SYNRG: variants seen among roughly 807,000 people sequenced by gnomAD.
SYNRG encodes AP1 gamma subunit binding protein 1.
SYNRG carries 37 observed loss-of-function variants against 130.9 expected under a neutral mutation model. The observed-to-expected ratio is 0.28, with a 90% CI of 0.22 to 0.37. The LOEUF (loss-of-function observed/expected upper bound fraction) is 0.37. Among genes scored for constraint, SYNRG ranks in the 10% least tolerant of loss-of-function variants. The probability of loss-of-function intolerance (pLI) is 1.00; values close to 1 mark genes in which losing one functional copy is unlikely to be tolerated. For missense variants in SYNRG, 1,338 were observed against 1,588.9 expected (o/e 0.84, Z 2.68); for synonymous variants, 539 against 568.1 (o/e 0.95, Z 0.73).
intron 3 of SYNRG, among the ~76,000 whole-genome samples, chr17:37,593,087 TATAATAATCA>T (rs1157892680): frequency 2.6e-5 from 4 of 152,110 alleles, no homozygotes; most frequent in Non-Finnish European, 5.9e-5. Flanking sequence ...AGGGAGAGAT[TATAATAATCA>T]ATAATAATAT....
chr17:37,547,664 T>C (rs975766191), intron 14 of SYNRG, among the ~76,000 whole-genome samples: 9 of 152,148 alleles, frequency 5.9e-5, no homozygotes, highest in East Asian at 1.9e-4. Flanking sequence ...GGTTTCACCA[T>C]GTTGGCCAGG....
At chr17:37,528,692 T>C (rs146100817) in intron 19 of SYNRG, among the ~76,000 whole-genome samples, 101 of 152,350 alleles carry the variant, frequency 6.6e-4, no homozygotes, top group African/African-American at 2.2e-3. Flanking sequence ...TTGAACTACA[T>C]AGATGTTGGT....
chr17:37,525,689 C>T (rs573041910), intron 19 of SYNRG, among the ~76,000 whole-genome samples: 7 of 152,014 alleles, frequency 4.6e-5, no homozygotes, highest in Admixed American at 2.6e-4. Context: ...AAAAAAATGC[C>T]GGGAGCGGTG....
chr17:37,590,066 G>T (rs2062025635), intron 3 of SYNRG, among the ~76,000 whole-genome samples: 1 of 151,718 alleles, frequency 6.6e-6, no homozygotes, highest in South Asian at 2.1e-4. Context: ...AGCTTCTCTG[G>T]AGGCTAAGGC....
At chr17:37,540,251 G>T in intron 16 of SYNRG, 129 bp downstream of exon 16, 1 of 1,152,694 alleles carries the variant, frequency 8.7e-7, no homozygotes, top group East Asian at 2.4e-5. Context: ...TAATTACATA[G>T]TTTATGTCTG....
intron 19 of SYNRG, among the ~76,000 whole-genome samples, chr17:37,521,173 C>CA (rs886431777): frequency 5.9e-5 from 9 of 151,966 alleles, no homozygotes; most frequent in Admixed American, 2.6e-4. Context: ...GCTGGGATTA[C>CA]AGGCGCGCCA....
chr17:37,527,765 G>A (rs571856987), intron 19 of SYNRG, among the ~76,000 whole-genome samples: 4 of 152,166 alleles, frequency 2.6e-5, no homozygotes, highest in African/African-American at 9.6e-5. Context: ...GAACTCGAAC[G>A]TCTGCAGATT....
chr17:37,534,581 T>C (rs371710817), intron 19 of SYNRG, among the ~76,000 whole-genome samples: 103 of 152,220 alleles, frequency 6.8e-4, no homozygotes, highest in African/African-American at 2.4e-3. Flanking sequence ...CATAATTTTA[T>C]CTCTTTTTTC....
chr17:37,576,553 T>C, intron 7 of SYNRG, 135 bp from the exon 8 acceptor site: 1 of 686,222 alleles, frequency 1.5e-6, no homozygotes, highest in Non-Finnish European at 2.3e-6. Flanking sequence ...AAATACTTGG[T>C]CCCCCCTGCC....
At chr17:37,530,099 T>C (rs1309530667) in intron 19 of SYNRG, among the ~76,000 whole-genome samples, 3 of 152,168 alleles carry the variant, frequency 2.0e-5, no homozygotes, top group Non-Finnish European at 2.9e-5. Flanking sequence ...CTCATTAACC[T>C]TGATGCCAAA....
At position 37,553,129 on chromosome 17, in the gene SYNRG, T is replaced by C; in HGVS notation, c.2594A>G (p.His865Arg). The change falls in exon 14 of 22, where the codon CAT becomes CGT. Residue 865 changes from histidine to arginine, a missense_variant. By Grantham distance (29) the His-to-Arg change is conservative (BLOSUM62 0). This residue lies in a region of SYNRG where 1,146 missense variants were observed against 1,342.3 expected (regional missense o/e 0.85). Transcript: ENST00000612223. ...CAATTCCTCACCTGCAGCAGGAGGA[T>C]GCTGGCCACTAACTGTTGGTAAATC... ...SLDLPTVSGQ[H>R]PPAADIEDLK... 2 of 1,612,672 alleles carry C rather than the reference T, an allele frequency of 1.2e-6. No homozygotes were observed. The highest frequency in any genetic ancestry group is 8.5e-7 in the Non-Finnish European group (1 of 1,179,624).
chr17:37,525,966 A>AAC (rs1555713153), intron 19 of SYNRG, among the ~76,000 whole-genome samples: 4 of 152,270 alleles, frequency 2.6e-5, no homozygotes, highest in African/African-American at 9.6e-5. Context: ...ACTCCGTCTC[A>AAC]AAAACAAAAC....
chr17:37,523,141 G>C (rs2055356048), intron 19 of SYNRG, among the ~76,000 whole-genome samples: 1 of 152,086 alleles, frequency 6.6e-6, no homozygotes, highest in Non-Finnish European at 1.5e-5. Context: ...ATATGTAACT[G>C]CAAGTTTATA....
chr17:37,562,433 GCTCC>G (rs1264780776), intron 11 of SYNRG, among the ~76,000 whole-genome samples: 1 of 152,008 alleles, frequency 6.6e-6, no homozygotes, highest in African/African-American at 2.4e-5. Flanking sequence ...GACCCAGGCA[GCTCC>G]CTGGAAGAAC....
At chr17:37,580,082 C>T (rs1211139274) in intron 6 of SYNRG, among the ~76,000 whole-genome samples, 4 of 152,048 alleles carry the variant, frequency 2.6e-5, no homozygotes, top group Non-Finnish European at 5.9e-5. Flanking sequence ...AACCAATATA[C>T]ATCAGATATA....
chr17:37,538,060 T>C (rs542690042), intron 18 of SYNRG, among the ~76,000 whole-genome samples: 1 of 152,348 alleles, frequency 6.6e-6, no homozygotes, highest in East Asian at 1.9e-4. Context: ...GTAGTTCAGA[T>C]TCTTTGATAA....
chr17:37,527,936 C>A (rs1249569636), intron 19 of SYNRG, among the ~76,000 whole-genome samples: 1 of 152,186 alleles, frequency 6.6e-6, no homozygotes, highest in Non-Finnish European at 1.5e-5. Context: ...TACTGTGATG[C>A]CGCACTACAT....
rs371934357 is a variant in SYNRG at position 37,585,437 on chromosome 17, G to A, written c.372-7C>T. 53 of 1,601,292 alleles carry A rather than the reference G, an allele frequency of 3.3e-5. No homozygotes were observed. The Middle Eastern group carries it at 6.6e-4, about 20-fold the overall frequency. ...CTGCTGTTCAAATCGTTTCCTGAAG[G>A]AAAAATGATCTAATAAAGAACCAGC... is the stretch of plus-strand genomic sequence containing the variant. On this transcript the variant is annotated splice_polypyrimidine_tract_variant and splice_region_variant and intron_variant, in intron 4 of 21. Coordinates refer to ENST00000612223, the MANE Select transcript of SYNRG (RefSeq NM_007247.6).
intron 19 of SYNRG, among the ~76,000 whole-genome samples, chr17:37,532,403 C>G (rs774767754): frequency 3.3e-5 from 5 of 152,160 alleles, no homozygotes; most frequent in Non-Finnish European, 7.3e-5. Context: ...GGCATGGTGG[C>G]TCATACCTGT....
Sources: gnomAD v4.1 joint callset for allele counts (sites outside exome capture counted in the v4.1 genomes callset) on GRCh38, gnomAD v4.1.1 for gene constraint, gnomAD v4.1.1 regional missense constraint, MANE v1.5 for transcripts, NCBI Gene and HGNC (gene_info 2026-07-23, HGNC 2026-07-21) for gene names.